Variants in ASIC2 observed in about 807,000 individuals in gnomAD.
ASIC2 encodes the protein acid sensing ion channel subunit 2, also known as acid-sensing ion channel 2.
In ASIC2, 25 loss-of-function variants were observed where a neutral mutation model predicts 57.3. The observed-to-expected ratio is 0.44, with a 90% CI of 0.32 to 0.61. The LOEUF (loss-of-function observed/expected upper bound fraction) is 0.61, where lower values mean the gene tolerates loss of function less well. ASIC2 is among the 20% of genes least tolerant of loss of function. The pLI is 0.06. For missense variants in ASIC2, 641 were observed against 738.1 expected (o/e 0.87, Z 1.52); for synonymous variants, 319 against 307.5 (o/e 1.04, Z -0.39).
At chr17:34,021,906 C>T (rs1250619965) in intron 1 of ASIC2, among the ~76,000 whole-genome samples, 3 of 144,564 alleles carry the variant, frequency 2.1e-5, no homozygotes, top group East Asian at 2.1e-4. Context: ...GGTGCAATCT[C>T]GGCTCACTGC....
intron 1 of ASIC2, among the ~76,000 whole-genome samples, chr17:33,138,640 C>T (rs2092375277): frequency 6.6e-6 from 1 of 152,180 alleles, no homozygotes. Context: ...TCAGCGGTGG[C>T]ACCGAAGCCC....
At position 33,765,406 on chromosome 17, in the gene ASIC2, C is replaced by T. The variant is rs1167747005; in HGVS notation, c.555+390572G>A. ...TACAGGCGTGAGCCACCGCGCCCGG[C>T]GATGGAGCATAATTGTAAAATAACT... is the stretch of plus-strand genomic sequence containing the variant. On this transcript the variant is annotated intron_variant, in intron 1 of 9. Coordinates refer to the ASIC2 transcript ENST00000359872. Among the ~76,000 whole-genome samples the T allele has an allele frequency of 3.3e-5, 5 of 152,226 alleles. No homozygotes were observed. The South Asian group carries it at 6.2e-4, about 19-fold the overall frequency.
rs142705973 is a variant in ASIC2 at position 33,602,587 on chromosome 17, C to T, written c.556-490520G>A. On this transcript the variant is annotated intron_variant, in intron 1 of 9. Transcript: ENST00000359872. ...TACCCAGTCTGTGGTACTGTTATAG[C>T]AGCACAAAATAAATAGATGCCCCCA... Among the ~76,000 whole-genome samples, 462 of 152,318 alleles carry T rather than the reference C, an allele frequency of 3.0e-3. 10 individuals carry two copies. Among genetic ancestry groups the T allele is most frequent in the East Asian group, 0.014 (75 of 5,184 alleles).
intron 1 of ASIC2, among the ~76,000 whole-genome samples, chr17:34,102,345 A>T (rs1910896885): frequency 1.3e-5 from 2 of 152,076 alleles, no homozygotes; most frequent in East Asian, 3.9e-4. Context: ...TAAATAAATA[A>T]ATAAAAATAA....
chr17:33,059,808 C>G (rs150511530), intron 3 of ASIC2, among the ~76,000 whole-genome samples: 2,684 of 152,294 alleles, frequency 0.018, 79 homozygotes, highest in African/African-American at 0.061. Context: ...TCTCCACATC[C>G]TCTCCAGCAC....
intron 1 of ASIC2, among the ~76,000 whole-genome samples, chr17:33,392,200 T>A (rs551988827): frequency 8.3e-5 from 10 of 120,174 alleles, no homozygotes; most frequent in South Asian, 2.5e-4. Flanking sequence ...CCTTCCCTCC[T>A]TCCTTCCTTC....
chr17:33,421,733 T>C (rs1169116182), intron 1 of ASIC2, among the ~76,000 whole-genome samples: 1 of 152,234 alleles, frequency 6.6e-6, no homozygotes, highest in Non-Finnish European at 1.5e-5. Flanking sequence ...ATCCTCTTTG[T>C]TATGTCATGC....
intron 1 of ASIC2, among the ~76,000 whole-genome samples, chr17:33,701,622 G>A (rs945236132): frequency 5.3e-5 from 8 of 152,162 alleles, no homozygotes; most frequent in African/African-American, 1.9e-4. Flanking sequence ...TGAGCACCTT[G>A]ACACAGTACA....
At chr17:34,131,096 G>C (rs1420985444) in intron 1 of ASIC2, among the ~76,000 whole-genome samples, 4 of 150,014 alleles carry the variant, frequency 2.7e-5, no homozygotes, top group Non-Finnish European at 5.9e-5. Flanking sequence ...AAAGCTGAGG[G>C]GCCAGTGGGG....
chr17:33,698,299 T>C (rs1024903758), intron 1 of ASIC2, among the ~76,000 whole-genome samples: 7 of 152,216 alleles, frequency 4.6e-5, no homozygotes, highest in South Asian at 2.1e-4. Context: ...CGCATCTCGG[T>C]ACTTAAGATT....
intron 1 of ASIC2, among the ~76,000 whole-genome samples, chr17:33,169,794 G>A (rs1905440618): frequency 6.6e-6 from 1 of 152,280 alleles, no homozygotes; most frequent in Non-Finnish European, 1.5e-5. Flanking sequence ...GTCTATGAAT[G>A]TGCCTCTCAC....
chr17:33,452,777 G>GTGTC (rs55643351), intron 1 of ASIC2, among the ~76,000 whole-genome samples: 1 of 151,186 alleles, frequency 6.6e-6, no homozygotes, highest in African/African-American at 2.4e-5. Flanking sequence ...GTGTGTGTGT[G>GTGTC]ATAGCCTTTA....
chr17:33,349,123 G>A (rs1221319268), intron 1 of ASIC2, among the ~76,000 whole-genome samples: 2 of 152,208 alleles, frequency 1.3e-5, no homozygotes, highest in East Asian at 3.9e-4. Context: ...CTGCTGAAAG[G>A]AGCGGCTGCT....
chr17:33,273,958 A>C (rs1204391394), intron 1 of ASIC2, among the ~76,000 whole-genome samples: 1 of 152,202 alleles, frequency 6.6e-6, no homozygotes, highest in African/African-American at 2.4e-5. Flanking sequence ...TATTCCTTGC[A>C]ATCACTCTGT....
intron 1 of ASIC2, among the ~76,000 whole-genome samples, chr17:33,645,327 T>TC (rs1278144010): frequency 6.6e-6 from 1 of 152,186 alleles, no homozygotes; most frequent in Non-Finnish European, 1.5e-5. Context: ...GGTACTCCTT[T>TC]CCCCATTCCT....
At chr17:33,690,086 T>C (rs1597836598) in intron 1 of ASIC2, among the ~76,000 whole-genome samples, 1 of 152,264 alleles carries the variant, frequency 6.6e-6, no homozygotes, top group Admixed American at 6.5e-5. Flanking sequence ...TAGAGGTATA[T>C]ATATTTTTTC....
chr17:33,134,425 A>T (rs1011322677), intron 1 of ASIC2, among the ~76,000 whole-genome samples: 1 of 152,242 alleles, frequency 6.6e-6, no homozygotes, highest in South Asian at 2.1e-4. Context: ...GAGCCCACTC[A>T]GTATTATGCC....
intron 1 of ASIC2, among the ~76,000 whole-genome samples, chr17:33,464,516 C>CTCTTTCTTTCTT (rs1567621050): frequency 4.6e-5 from 2 of 43,208 alleles, no homozygotes; most frequent in Non-Finnish European, 1.0e-4. Flanking sequence ...TTCTTTCTTT[C>CTCTTTCTTTCTT]TTTCTTTCTT....
intron 1 of ASIC2, among the ~76,000 whole-genome samples, chr17:33,184,293 C>T (rs898188541): frequency 3.3e-5 from 5 of 152,076 alleles, no homozygotes; most frequent in African/African-American, 9.7e-5. Context: ...CCTACATAGC[C>T]GCTATAAAAA....
Sources: gnomAD v4.1 joint callset for allele counts (sites outside exome capture counted in the v4.1 genomes callset) on GRCh38, gnomAD v4.1.1 for gene constraint, MANE v1.5 for transcripts, NCBI Gene and HGNC (gene_info 2026-07-23, HGNC 2026-07-21) for gene names.